AKAP19: variants seen among roughly 807,000 people sequenced by gnomAD.
The protein encoded by AKAP19 is A-kinase anchoring protein 19, also known as small A-kinase anchoring protein.
the AKAP19 span, among the ~76,000 whole-genome samples, chr2:189,916,510 T>C: frequency 6.6e-6 from 1 of 151,910 alleles, no homozygotes; most frequent in Non-Finnish European, 1.5e-5. Context: ...TTAGTAGAGA[T>C]GGGGTTTCAC....
At chr2:190,029,400 G>A in the AKAP19 span, among the ~76,000 whole-genome samples, 2 of 151,902 alleles carry the variant, frequency 1.3e-5, no homozygotes, top group Admixed American at 1.3e-4. Flanking sequence ...AGAAGAATTC[G>A]AGCTCTAAAT....
the AKAP19 span, among the ~76,000 whole-genome samples, chr2:190,093,160 C>T: frequency 1.3e-5 from 2 of 152,014 alleles, no homozygotes. Context: ...TGGTGGCTCA[C>T]GCCTATAATC....
At chr2:190,188,524 A>T in the AKAP19 span, among the ~76,000 whole-genome samples, 2 of 152,364 alleles carry the variant, frequency 1.3e-5, no homozygotes, top group South Asian at 2.1e-4. Context: ...CACACCTGCT[A>T]TCTTAAGGCT....
chr2:189,978,820 A>G, the AKAP19 span, among the ~76,000 whole-genome samples: 51 of 152,172 alleles, frequency 3.4e-4, no homozygotes, highest in South Asian at 1.0e-3. Context: ...AAATAACTCA[A>G]TCTCACTTAT....
the AKAP19 span, among the ~76,000 whole-genome samples, chr2:189,915,954 T>A: frequency 6.6e-6 from 1 of 152,134 alleles, no homozygotes; most frequent in African/African-American, 2.4e-5. Flanking sequence ...TTTATTAGTG[T>A]CTCCATCAAA....
At chr2:190,058,796 T>C in the AKAP19 span, among the ~76,000 whole-genome samples, 1 of 151,932 alleles carries the variant, frequency 6.6e-6, no homozygotes, top group Admixed American at 6.6e-5. Flanking sequence ...AAGCTATGCG[T>C]ACGCAAAGAC....
At chr2:190,026,817 C>T in the AKAP19 span, among the ~76,000 whole-genome samples, 1 of 151,950 alleles carries the variant, frequency 6.6e-6, no homozygotes. Context: ...ATAGTAGGTG[C>T]TTAGTAAAGA....
At chr2:190,196,179 G>A in the AKAP19 span, among the ~76,000 whole-genome samples, 4 of 151,650 alleles carry the variant, frequency 2.6e-5, no homozygotes, top group African/African-American at 9.7e-5. Context: ...CTTCTTCTGG[G>A]TTAAACGTAT....
At chr2:189,964,443 A>G in the AKAP19 span, among the ~76,000 whole-genome samples, 11 of 152,238 alleles carry the variant, frequency 7.2e-5, no homozygotes, top group African/African-American at 2.7e-4. Flanking sequence ...GCCCTTAAAA[A>G]GAGAGTCAGC....
chr2:190,022,121 G>A, the AKAP19 span, among the ~76,000 whole-genome samples: 1 of 151,992 alleles, frequency 6.6e-6, no homozygotes, highest in Non-Finnish European at 1.5e-5. Flanking sequence ...ATTCATGAAG[G>A]CAGGGTCATC....
chr2:189,911,890 T>A, the AKAP19 span, among the ~76,000 whole-genome samples: 1 of 151,852 alleles, frequency 6.6e-6, no homozygotes, highest in Non-Finnish European at 1.5e-5. Context: ...TACTCCTAGT[T>A]TTTTTTTCTA....
chr2:189,910,817 A>T, the AKAP19 span, among the ~76,000 whole-genome samples: 4 of 152,060 alleles, frequency 2.6e-5, no homozygotes, highest in African/African-American at 9.7e-5. Flanking sequence ...AAGGGTGTTT[A>T]TAAGGACTAT....
the AKAP19 span, among the ~76,000 whole-genome samples, chr2:190,004,462 A>G: frequency 1.2e-4 from 15 of 124,658 alleles, no homozygotes; most frequent in African/African-American, 3.5e-4. Flanking sequence ...TCCCTTTGAT[A>G]TCTCTACCTT....
chr2:190,073,960 T>C, the AKAP19 span, among the ~76,000 whole-genome samples: 1 of 151,304 alleles, frequency 6.6e-6, no homozygotes, highest in Admixed American at 6.6e-5. Flanking sequence ...CTGAATCGCT[T>C]GAACCTGGGA....
chr2:190,152,896 TTTC>T, the AKAP19 span, among the ~76,000 whole-genome samples: 1 of 114,012 alleles, frequency 8.8e-6, no homozygotes, highest in Admixed American at 8.7e-5. Flanking sequence ...TCGCCCATTC[TTTC>T]TTTTTTTTTT....
At chr2:190,107,225 T>C in the AKAP19 span, among the ~76,000 whole-genome samples, 1 of 152,226 alleles carries the variant, frequency 6.6e-6, no homozygotes, top group African/African-American at 2.4e-5. Flanking sequence ...TGACATTTAC[T>C]AGGTGTGTGA....
At chr2:190,088,264 G>C in the AKAP19 span, among the ~76,000 whole-genome samples, 1 of 152,118 alleles carries the variant, frequency 6.6e-6, no homozygotes, top group Admixed American at 6.6e-5. Context: ...GATTTAAGGA[G>C]TGGAGAAAGA....
At chr2:190,123,004 A>T in the AKAP19 span, among the ~76,000 whole-genome samples, 4 of 151,824 alleles carry the variant, frequency 2.6e-5, no homozygotes, top group Non-Finnish European at 5.9e-5. Flanking sequence ...TAGAGACAAG[A>T]TCTCGCTATG....
At chr2:190,085,875 A>G in the AKAP19 span, among the ~76,000 whole-genome samples, 2 of 152,198 alleles carry the variant, frequency 1.3e-5, no homozygotes, top group Admixed American at 6.5e-5. Context: ...AATTATGAGC[A>G]CGAAGGCCAT....
Sources: gnomAD v4.1 joint callset for allele counts (sites outside exome capture counted in the v4.1 genomes callset) on GRCh38, gnomAD v4.1.1 for gene constraint, MANE v1.5 for transcripts, NCBI Gene and HGNC (gene_info 2026-07-23, HGNC 2026-07-21) for gene names.